KDM4C: variants seen among roughly 807,000 people sequenced by gnomAD.
KDM4C encodes the protein lysine-specific demethylase 4C.
In KDM4C, 81 loss-of-function variants were observed where a neutral mutation model predicts 129.3. The observed-to-expected ratio is 0.63, with a 90% confidence interval of 0.52 to 0.75. The LOEUF (loss-of-function observed/expected upper bound fraction) is 0.75, where lower values mean the gene tolerates loss of function less well. KDM4C is among the 30% of genes least tolerant of loss of function. KDM4C has a pLI of 0.00. For missense variants in KDM4C, 1,457 were observed against 1,304.0 expected (o/e 1.12, Z -1.81); for synonymous variants, 573 against 456.1 (o/e 1.26, Z -3.26).
intron 11 of KDM4C, among the ~76,000 whole-genome samples, chr9:6,987,485 G>A (rs144663797): frequency 6.6e-6 from 1 of 152,014 alleles, no homozygotes; most frequent in African/African-American, 2.4e-5. Flanking sequence ...TTTTTTTGAT[G>A]TATCCAGCCT....
intron 15 of KDM4C, among the ~76,000 whole-genome samples, chr9:7,020,891 A>T (rs181336633): frequency 1.3e-5 from 2 of 149,544 alleles, no homozygotes; most frequent in Non-Finnish European, 3.0e-5. Flanking sequence ...GCTGTGTAGC[A>T]AATACTGTTT....
intron 8 of KDM4C, among the ~76,000 whole-genome samples, chr9:6,937,550 C>G (rs887957460): frequency 3.3e-5 from 5 of 152,000 alleles, no homozygotes; most frequent in Admixed American, 1.3e-4. Context: ...TGGATATTAA[C>G]CTCTTTGATA....
rs1255225345 is a variant in KDM4C, at chr9:7,072,552, G to T, written c.2424+23352G>T. 3.3e-5 allele frequency among the ~76,000 whole-genome samples: 5 copies of T among 152,288 alleles called. 1 individual carries two copies. The East Asian group carries it at 9.7e-4, about 29-fold the overall frequency. ...CTCCGTACTGTTGAATTCAATTTAT[G>T]TCACATTCTGTAAAAGCAAAACACA... is the stretch of plus-strand genomic sequence containing the variant. On this transcript the variant is annotated intron_variant, in intron 17 of 21. Transcript: ENST00000381309.
chr9:6,958,036 C>T (rs1346875446), intron 8 of KDM4C, among the ~76,000 whole-genome samples: 1 of 150,852 alleles, frequency 6.6e-6, no homozygotes, highest in African/African-American at 2.4e-5. Context: ...CAATTGTAGA[C>T]ATATAAACAT....
At chr9:6,955,231 A>G (rs1020282696) in intron 8 of KDM4C, among the ~76,000 whole-genome samples, 7 of 152,242 alleles carry the variant, frequency 4.6e-5, no homozygotes, top group African/African-American at 1.7e-4. Flanking sequence ...GAGTTTTAAT[A>G]GTATCAGTTT....
intron 17 of KDM4C, among the ~76,000 whole-genome samples, chr9:7,072,852 T>C (rs1184859175): frequency 2.6e-5 from 4 of 152,210 alleles, no homozygotes; most frequent in African/African-American, 7.2e-5. Flanking sequence ...TACATACTTA[T>C]GGGGTACAAT....
chr9:6,813,206 A>T (rs966817319), intron 3 of KDM4C, among the ~76,000 whole-genome samples: 13 of 152,222 alleles, frequency 8.5e-5, no homozygotes, highest in African/African-American at 3.1e-4. Context: ...TTAAAAAAAA[A>T]ATTTTTAATT....
At chr9:6,878,297 ATAAT>A (rs1843883218) in intron 5 of KDM4C, among the ~76,000 whole-genome samples, 1 of 152,220 alleles carries the variant, frequency 6.6e-6, no homozygotes, top group Non-Finnish European at 1.5e-5. Context: ...AATTTTATTA[ATAAT>A]TAGTTATGAT....
chr9:7,103,215 C>G (rs966078028), intron 17 of KDM4C, among the ~76,000 whole-genome samples: 4 of 152,204 alleles, frequency 2.6e-5, no homozygotes, highest in South Asian at 2.1e-4. Flanking sequence ...TTAACTTGCC[C>G]CTATGCTGTT....
At chr9:6,798,944 C>A (rs1011462801) in intron 2 of KDM4C, among the ~76,000 whole-genome samples, 1 of 150,124 alleles carries the variant, frequency 6.7e-6, no homozygotes, top group African/African-American at 2.5e-5. Flanking sequence ...CGGGTCGAGG[C>A]GCTCCTCACA....
At chr9:6,818,618 T>C (rs567296582) in intron 4 of KDM4C, among the ~76,000 whole-genome samples, 1 of 152,296 alleles carries the variant, frequency 6.6e-6, no homozygotes, top group East Asian at 1.9e-4. Flanking sequence ...TCCCGTATCT[T>C]TATGCTCTTA....
intron 4 of KDM4C, among the ~76,000 whole-genome samples, chr9:6,836,474 A>C (rs1835900846): frequency 6.6e-6 from 1 of 152,202 alleles, no homozygotes; most frequent in Admixed American, 6.5e-5. Context: ...AATATCCCAA[A>C]CTCACCATGC....
At chr9:6,974,659 G>C (rs1489378570) in intron 8 of KDM4C, 2 of 152,186 alleles carry the variant, frequency 1.3e-5, no homozygotes, top group Non-Finnish European at 2.9e-5. Context: ...CACCCTGCCT[G>C]TCTGTTTTCA....
At chr9:6,962,221 A>G (rs917596685) in intron 8 of KDM4C, among the ~76,000 whole-genome samples, 1 of 152,252 alleles carries the variant, frequency 6.6e-6, no homozygotes, top group Non-Finnish European at 1.5e-5. Context: ...AACAGCCTGG[A>G]TGAACACACA....
At chr9:6,954,139 C>T (rs1828656128) in intron 8 of KDM4C, among the ~76,000 whole-genome samples, 1 of 152,266 alleles carries the variant, frequency 6.6e-6, no homozygotes, top group South Asian at 2.1e-4. Flanking sequence ...TTGTCTCCTC[C>T]ATGTCTTCTG....
Position 7,025,967 on chromosome 9 carries a change from G to A in KDM4C, c.2259+10038G>A, listed in dbSNP as rs576189824. On this transcript the variant is annotated intron_variant, in intron 15 of 21. Coordinates refer to ENST00000381309, the MANE Select transcript of KDM4C (RefSeq NM_015061.6). ...TGCCTGTAATCCCAGCACTCTGGGA[G>A]GCTGAGGTGGGCTGATCCCTTGAGG... Among the ~76,000 whole-genome samples, 5 of 152,274 alleles carry A rather than the reference G, an allele frequency of 3.3e-5. No individual in the cohort carries two copies. The East Asian group carries it at 9.7e-4, about 29-fold the overall frequency.
intron 8 of KDM4C, among the ~76,000 whole-genome samples, chr9:6,926,129 C>T (rs902115297): frequency 3.9e-5 from 6 of 151,956 alleles, no homozygotes; most frequent in Admixed American, 3.9e-4. Flanking sequence ...CTTTCGTGGA[C>T]CGGGTGCCTT....
chr9:7,028,173 A>C (rs946226539), intron 15 of KDM4C, among the ~76,000 whole-genome samples: 7 of 152,010 alleles, frequency 4.6e-5, no homozygotes, highest in Non-Finnish European at 7.4e-5. Flanking sequence ...CCTTGTGGCC[A>C]CCATTACCTA....
At chr9:6,956,149 C>G (rs1218458034) in intron 8 of KDM4C, among the ~76,000 whole-genome samples, 8 of 151,804 alleles carry the variant, frequency 5.3e-5, no homozygotes, top group Non-Finnish European at 8.8e-5. Flanking sequence ...TTAATGGGTA[C>G]AAAAAAATAG....
Sources: allele counts gnomAD v4.1 joint callset (sites outside exome capture counted in the v4.1 genomes callset), GRCh38; gene constraint gnomAD v4.1.1; transcripts MANE v1.5; gene names NCBI Gene and HGNC (gene_info 2026-07-23, HGNC 2026-07-21).